The following CXCL13 variants were observed in gnomAD, a reference collection of about 807,000 sequenced individuals.
CXCL13 encodes the protein C-X-C motif chemokine 13.
Under a neutral mutation model 12.2 loss-of-function variants are expected in CXCL13, and 7 were observed. That is an observed-to-expected ratio of 0.57 (90% CI 0.33 to 1.07). CXCL13 has a LOEUF of 1.07. Ranked by LOEUF, CXCL13 falls within the 50% of genes least tolerant of loss-of-function variation. The pLI, the probability that CXCL13 is intolerant of heterozygous loss-of-function variation, is 0.04. For missense variants in CXCL13, 113 were observed against 127.4 expected, an observed-to-expected ratio of 0.89 and a Z score of 0.55; for synonymous variants, 47 against 42.4, an observed-to-expected ratio of 1.11 and a Z score of -0.42.
At chr4:77,512,871 T>C (rs1724308924) in intron 1 of CXCL13, among the ~76,000 whole-genome samples, 1 of 152,166 alleles carries the variant, frequency 6.6e-6, no homozygotes, top group South Asian at 2.1e-4. Context: ...GTTGGTGTGC[T>C]GCACCCATTA....
chr4:77,559,178 G>A (rs1322789358), intron 1 of CXCL13, among the ~76,000 whole-genome samples: 1 of 152,198 alleles, frequency 6.6e-6, no homozygotes, highest in Non-Finnish European at 1.5e-5. Context: ...CTAGGAAGCA[G>A]ACTCTAGATA....
intron 1 of CXCL13, among the ~76,000 whole-genome samples, chr4:77,522,197 G>A (rs1379541297): frequency 1.3e-5 from 2 of 152,152 alleles, no homozygotes; most frequent in Non-Finnish European, 2.9e-5. Flanking sequence ...TTGATTTGGG[G>A]TGGAGAGTTC....
chr4:77,524,038 G>A (rs932086375), intron 1 of CXCL13, among the ~76,000 whole-genome samples: 2 of 151,912 alleles, frequency 1.3e-5, no homozygotes, highest in African/African-American at 4.8e-5. Context: ...ATCTCCAGTG[G>A]AGGCTGCAGA....
At chr4:77,596,868 T>C (rs904728093) in intron 1 of CXCL13, among the ~76,000 whole-genome samples, 1 of 151,804 alleles carries the variant, frequency 6.6e-6, no homozygotes, top group East Asian at 1.9e-4. Context: ...CACACGTTCA[T>C]TGCAGCATTA....
At chr4:77,574,373 G>C (rs1052839680) in intron 1 of CXCL13, among the ~76,000 whole-genome samples, 10 of 151,894 alleles carry the variant, frequency 6.6e-5, no homozygotes, top group Admixed American at 2.0e-4. Flanking sequence ...AAAGTGGACA[G>C]GTCTGTCTCA....
At chr4:77,553,091 T>A (rs1644212334) in intron 1 of CXCL13, among the ~76,000 whole-genome samples, 1 of 152,120 alleles carries the variant, frequency 6.6e-6, no homozygotes, top group Non-Finnish European at 1.5e-5. Flanking sequence ...GGTCTTAGGG[T>A]AGCAGATTGG....
chr4:77,573,362 TTG>T (rs3048191), intron 1 of CXCL13, among the ~76,000 whole-genome samples: 24,776 of 134,610 alleles, frequency 0.18, 1,997 homozygotes, highest in South Asian at 0.26. Context: ...ATTGGGTCTT[TTG>T]TGTGTGTGTG....
Position 77,550,612 on chromosome 4 carries a change from G to A in CXCL13, c.-43+38824G>A, listed in dbSNP as rs964412912. 2.6e-5 allele frequency among the ~76,000 whole-genome samples: 4 copies of A among 152,304 alleles called. 1 individual carries two copies. In the South Asian group the frequency reaches 6.2e-4, roughly 24 times the overall value. On this transcript the variant is annotated intron_variant, in intron 1 of 4. Coordinates refer to the CXCL13 transcript ENST00000286758. ...ATATAATCTGTAGTTGATGGGAGGA[G>A]TATTCTGTAGATGTCCTAGGTCCAA...
Position 77,543,344 on chromosome 4 carries a change from T to G in CXCL13, c.-43+31556T>G, listed in dbSNP as rs1725253223. Among the ~76,000 whole-genome samples the G allele has an allele frequency of 2.6e-5, 4 of 152,112 alleles. No homozygotes were observed. The South Asian group carries it at 8.3e-4, about 31-fold the overall frequency. On this transcript the variant is annotated intron_variant, in intron 1 of 4. Transcript: ENST00000286758. ...TTTCATTGATTCTTTGTATGGATTT[T>G]TGGATCTCAATCATTCAGTACTGCT...
intron 1 of CXCL13, among the ~76,000 whole-genome samples, chr4:77,539,704 T>C (rs1024958333): frequency 2.6e-5 from 4 of 152,224 alleles, no homozygotes; most frequent in African/African-American, 9.7e-5. Context: ...TGAGATCTTT[T>C]TGGGAAGCTG....
At chr4:77,562,199 C>A (rs1725832305) in intron 1 of CXCL13, among the ~76,000 whole-genome samples, 1 of 147,222 alleles carries the variant, frequency 6.8e-6, no homozygotes, top group Non-Finnish European at 1.5e-5. Flanking sequence ...CAGCCCCCCG[C>A]CCCGCCTACA....
Position 77,605,895 on chromosome 4 carries a change from C to T in CXCL13, c.30C>T (p.Leu10=). Reference sequence around the variant, plus strand: ...AGTTCATCTCGACATCTCTGCTTCTCATGCTGCTGGTCAGCAGCCTCTCTC... The same window carrying T: ...AGTTCATCTCGACATCTCTGCTTCTTATGCTGCTGGTCAGCAGCCTCTCTC... MKFISTSLL[L]MLLVSSLSPV... Residue 10 remains leucine, a synonymous_variant, in exon 1 of 4, where the codon CTC becomes CTT. Transcript: ENST00000682537. 6.2e-7 allele frequency: 1 copy of T among 1,607,230 alleles called. No individual in the cohort carries two copies. Among genetic ancestry groups the T allele is most frequent in the Non-Finnish European group, 8.5e-7 (1 of 1,175,860 alleles).
intron 1 of CXCL13, among the ~76,000 whole-genome samples, chr4:77,582,678 A>G (rs1478338430): frequency 6.6e-6 from 1 of 152,204 alleles, no homozygotes; most frequent in Non-Finnish European, 1.5e-5. Flanking sequence ...GCCAATAGTA[A>G]GACATGGAAA....
In CXCL13 at chr4:77,611,230, C is replaced by G. The variant is rs1435406634; in HGVS notation, c.*191C>G. ...TTCTTCACTCACAGCACCCTATATA[C>G]ACTTGGAGTTTGCATTCTTATTCAT... is the stretch of plus-strand genomic sequence containing the variant. On this transcript the variant is annotated 3_prime_UTR_variant, in exon 4 of 4. Transcript: ENST00000682537. 1.5e-5 allele frequency: 7 copies of G among 473,430 alleles called. No homozygotes were observed. Among genetic ancestry groups the G allele is most frequent in the African/African-American group, 1.4e-4 (7 of 50,938 alleles). The allele number at this position is 473,430 out of a possible 1,614,324, so 29.3% of individuals were successfully genotyped here.
At chr4:77,556,894 C>T (rs574545447) in intron 1 of CXCL13, among the ~76,000 whole-genome samples, 1 of 152,196 alleles carries the variant, frequency 6.6e-6, no homozygotes, top group Non-Finnish European at 1.5e-5. Flanking sequence ...GGGCACACAC[C>T]TGTATTCCCA....
chr4:77,530,544 T>A (rs1724885503), intron 1 of CXCL13, among the ~76,000 whole-genome samples: 1 of 152,222 alleles, frequency 6.6e-6, no homozygotes, highest in Admixed American at 6.5e-5. Flanking sequence ...TTCGTCTAGA[T>A]TTTCTAGTTT....
intron 1 of CXCL13, among the ~76,000 whole-genome samples, chr4:77,539,853 T>A (rs1468611508): frequency 1.3e-5 from 2 of 151,956 alleles, no homozygotes; most frequent in Non-Finnish European, 2.9e-5. Flanking sequence ...TCCTGGTGTG[T>A]GTGGTGGGGG....
chr4:77,519,229 C>CTCAGGGG (rs1163299088), intron 1 of CXCL13, among the ~76,000 whole-genome samples: 2 of 152,182 alleles, frequency 1.3e-5, no homozygotes, highest in African/African-American at 4.8e-5. Context: ...AGTTAGGCTG[C>CTCAGGGG]TCAGGGGTCA....
rs549377637 is a variant in CXCL13, at chr4:77,605,942, A to G, written c.64+13A>G. The G allele has an allele frequency of 6.3e-7, 1 of 1,575,342 alleles. No homozygotes were observed. The highest frequency in any genetic ancestry group is 1.1e-5 in the South Asian group (1 of 87,286). On this transcript the variant is annotated intron_variant, in intron 1 of 3. Coordinates refer to ENST00000682537, the MANE Select transcript of CXCL13 (RefSeq NM_001371558.1). Reference sequence around the variant, plus strand: ...TCTCCAGTCCAAGGTGAGAAATTTCATTTACATTTCACTGTTTGTTGAACA... The same window carrying G: ...TCTCCAGTCCAAGGTGAGAAATTTCGTTTACATTTCACTGTTTGTTGAACA...
Sources: allele counts gnomAD v4.1 joint callset (sites outside exome capture counted in the v4.1 genomes callset), GRCh38; gene constraint gnomAD v4.1.1; transcripts MANE v1.5; gene names NCBI Gene and HGNC (gene_info 2026-07-23, HGNC 2026-07-21).